Variants in EXOC4 observed in about 807,000 individuals in gnomAD.
EXOC4 encodes the protein SEC8-like 1.
Under a neutral mutation model 107.2 loss-of-function variants are expected in EXOC4, and 71 were observed. The ratio of observed to expected loss-of-function variants is 0.66; its 90% confidence interval spans 0.55 to 0.81. EXOC4 has a LOEUF of 0.81. EXOC4 is among the 30% of genes least tolerant of loss of function. The pLI is 0.00. For synonymous variants in EXOC4, 456 were observed against 441.2 expected (o/e 1.03, Z -0.42); for missense variants, 1,108 against 1,189.6 (o/e 0.93, Z 1.01).
chr7:133,573,899 C>G (rs1801075255), intron 9 of EXOC4, among the ~76,000 whole-genome samples: 1 of 152,218 alleles, frequency 6.6e-6, no homozygotes, highest in African/African-American at 2.4e-5. Context: ...TACAAATTAA[C>G]AATGTTGGGG....
intron 1 of EXOC4, among the ~76,000 whole-genome samples, chr7:133,266,999 G>T (rs1562994655): frequency 2.0e-5 from 3 of 152,116 alleles, no homozygotes; most frequent in South Asian, 4.1e-4. Flanking sequence ...AACTTTGCTT[G>T]CCCATATGAT....
rs535034421 is a variant in EXOC4 at position 133,866,317 on chromosome 7, T to A, written c.1735-29282T>A. Among the ~76,000 whole-genome samples, 36 of 152,304 alleles carry A rather than the reference T, an allele frequency of 2.4e-4. No individual in the cohort carries two copies. In the East Asian group the frequency reaches 6.8e-3, roughly 29 times the overall value. On this transcript the variant is annotated intron_variant, in intron 11 of 17. Transcript: ENST00000253861. ...ACACTGCATGGCTCAGCTACTTGGC[T>A]TACTCGGTACCAGACATTGACTAGA... is the stretch of plus-strand genomic sequence containing the variant.
chr7:133,629,910 T>C, intron 9 of EXOC4, 135 bp from the exon 10 acceptor site: 1 of 613,266 alleles, frequency 1.6e-6, no homozygotes, highest in Non-Finnish European at 2.9e-6. Context: ...CAAAATAATT[T>C]CGTACATACC....
intron 9 of EXOC4, among the ~76,000 whole-genome samples, chr7:133,617,216 G>T (rs1171314718): frequency 6.6e-6 from 1 of 152,022 alleles, no homozygotes; most frequent in Non-Finnish European, 1.5e-5. Flanking sequence ...CCTTAGTTAG[G>T]ATTACAAGAA....
chr7:133,700,348 A>G (rs1794629485), intron 10 of EXOC4, among the ~76,000 whole-genome samples: 1 of 152,160 alleles, frequency 6.6e-6, no homozygotes, highest in Non-Finnish European at 1.5e-5. Flanking sequence ...GAGGAGCTAC[A>G]CTAATCTATT....
At chr7:133,402,927 C>T (rs1797124598) in intron 7 of EXOC4, among the ~76,000 whole-genome samples, 1 of 149,104 alleles carries the variant, frequency 6.7e-6, no homozygotes, top group African/African-American at 2.5e-5. Flanking sequence ...ACTCTGTCGC[C>T]AGGCTAGAGA....
chr7:133,320,989 T>C (rs184560356), intron 5 of EXOC4, among the ~76,000 whole-genome samples: 1 of 152,306 alleles, frequency 6.6e-6, no homozygotes, highest in Admixed American at 6.5e-5. Context: ...GCCTAGAAAG[T>C]AATAGCCGTT....
intron 10 of EXOC4, among the ~76,000 whole-genome samples, chr7:133,671,922 T>C (rs1312600617): frequency 6.6e-6 from 1 of 152,192 alleles, no homozygotes; most frequent in Non-Finnish European, 1.5e-5. Flanking sequence ...ACATCTCTAT[T>C]AGATAGTCAA....
At chr7:133,565,587 A>T (rs556068371) in intron 9 of EXOC4, among the ~76,000 whole-genome samples, 1 of 152,294 alleles carries the variant, frequency 6.6e-6, no homozygotes, top group South Asian at 2.1e-4. Context: ...TGCCCAATTA[A>T]GTTTGAATTT....
chr7:133,918,174 G>T (rs1004582640), intron 13 of EXOC4, among the ~76,000 whole-genome samples: 10 of 151,874 alleles, frequency 6.6e-5, no homozygotes, highest in African/African-American at 2.4e-4. Flanking sequence ...TAGAGACGGG[G>T]TTTCACAGTG....
intron 11 of EXOC4, among the ~76,000 whole-genome samples, chr7:133,883,478 CAAA>C (rs1168936994): frequency 3.1e-5 from 4 of 128,278 alleles, no homozygotes; most frequent in Non-Finnish European, 1.7e-5. Context: ...CCATCTCTAC[CAAA>C]AAAAAAAAAA....
At chr7:133,675,809 T>A (rs546424638) in intron 10 of EXOC4, among the ~76,000 whole-genome samples, 1 of 152,286 alleles carries the variant, frequency 6.6e-6, no homozygotes, top group Non-Finnish European at 1.5e-5. Flanking sequence ...TGGGAATTGT[T>A]CCTTTGTTGG....
chr7:133,294,572 T>G (rs1794477054), intron 3 of EXOC4, among the ~76,000 whole-genome samples: 1 of 152,100 alleles, frequency 6.6e-6, no homozygotes, highest in Non-Finnish European at 1.5e-5. Context: ...CATAGCTGTA[T>G]AGTCAGATAA....
chr7:133,625,566 T>C (rs1413077430), intron 9 of EXOC4, among the ~76,000 whole-genome samples: 1 of 152,196 alleles, frequency 6.6e-6, no homozygotes, highest in Non-Finnish European at 1.5e-5. Flanking sequence ...CATTAAACTC[T>C]AGTTGGGTAG....
At chr7:133,618,560 A>G (rs1328444971) in intron 9 of EXOC4, among the ~76,000 whole-genome samples, 1 of 152,188 alleles carries the variant, frequency 6.6e-6, no homozygotes, top group African/African-American at 2.4e-5. Context: ...GATTGGAAAA[A>G]TTCACTACTT....
chr7:133,516,510 A>G (rs895431388), intron 9 of EXOC4, among the ~76,000 whole-genome samples: 1 of 152,062 alleles, frequency 6.6e-6, no homozygotes, highest in South Asian at 2.1e-4. Context: ...ATGTTGTAGC[A>G]TTGGTCTCTA....
intron 10 of EXOC4, among the ~76,000 whole-genome samples, chr7:133,788,284 C>T (rs1466947196): frequency 6.6e-6 from 1 of 151,346 alleles, no homozygotes; most frequent in Non-Finnish European, 1.5e-5. Flanking sequence ...CAGTGCCAAT[C>T]TCTCCTCTCA....
chr7:133,430,681 C>T lies in EXOC4; in HGVS notation c.1183-44647C>T, dbSNP rs1466612222. ...ACTTTGTGTTTAACTTTTTGAGGAACTGCCAAACTGTTTTCCAAATTAGCT... is the reference window on the plus strand; with the variant it reads ...ACTTTGTGTTTAACTTTTTGAGGAATTGCCAAACTGTTTTCCAAATTAGCT... On this transcript the variant is annotated intron_variant, in intron 7 of 17. Coordinates refer to ENST00000253861, the MANE Select transcript of EXOC4 (RefSeq NM_021807.4). Among the ~76,000 whole-genome samples, 4 of 152,180 alleles carry T rather than the reference C, an allele frequency of 2.6e-5. No homozygotes were observed. The East Asian group carries it at 7.7e-4, about 29-fold the overall frequency.
intron 7 of EXOC4, among the ~76,000 whole-genome samples, chr7:133,430,858 A>C (rs765906978): frequency 2.0e-5 from 3 of 152,174 alleles, no homozygotes; most frequent in African/African-American, 4.8e-5. Context: ...AAGGCCATAA[A>C]ATTGTAGAGC....
Sources: allele counts gnomAD v4.1 joint callset (sites outside exome capture counted in the v4.1 genomes callset), GRCh38; gene constraint gnomAD v4.1.1; transcripts MANE v1.5; gene names NCBI Gene and HGNC (gene_info 2026-07-23, HGNC 2026-07-21).